Variants in KMT2A observed in about 807,000 individuals in gnomAD.
The protein encoded by KMT2A is histone-lysine N-methyltransferase 2A.
Under a neutral mutation model 345.3 loss-of-function variants are expected in KMT2A, and 16 were observed. The ratio of observed to expected loss-of-function variants is 0.05; its 90% CI spans 0.03 to 0.07. The LOEUF (loss-of-function observed/expected upper bound fraction) is 0.07. KMT2A is among the 10% of genes least tolerant of loss of function. The pLI is 1.00. For missense variants in KMT2A, 3,272 were observed against 4,841.6 expected, an observed-to-expected ratio of 0.68 and a Z score of 9.62; for synonymous variants, 1,599 against 1,778.6, an observed-to-expected ratio of 0.90 and a Z score of 2.54.
At position 118,494,034 on chromosome 11, in the gene KMT2A, G is replaced by A. The variant is rs969803523; in HGVS notation, c.5179-254G>A. ...ATTTTAATCCAAAATAAAAACTGTGGACCTGCTTGGATAATTTATCATGAT... is the reference window on the plus strand; with the variant it reads ...ATTTTAATCCAAAATAAAAACTGTGAACCTGCTTGGATAATTTATCATGAT... On this transcript the variant is annotated intron_variant, in intron 16 of 35. Transcript: ENST00000534358. The surrounding 1 kb of genome is among the most constrained non-coding windows in gnomAD (Gnocchi z 5.8). Among the ~76,000 whole-genome samples the A allele has an allele frequency of 1.8e-4, 28 of 152,236 alleles. No individual in the cohort carries two copies. Among genetic ancestry groups the A allele is most frequent in the Admixed American group, 1.2e-3 (18 of 15,294 alleles).
Position 118,481,855 on chromosome 11 carries a change from A to G in KMT2A, c.3775A>G (p.Ser1259Gly). The change falls in exon 7 of 36, where the codon AGT becomes GGT. Residue 1259 changes from serine (S) to glycine (G), a missense_variant. Ser to Gly is a moderately conservative substitution (Grantham distance 56). Around this residue, in one of 27 missense-constraint regions of KMT2A, gnomAD observed 168 missense variants for 216.0 expected, o/e 0.78. Transcript: ENST00000534358. ...REDPAPKKSSSEPPPRKPVEE... is the reference protein window; with the variant it reads ...REDPAPKKSSGEPPPRKPVEE... Reference sequence around the variant, plus strand: ...GGATCCTGCCCCAAAGAAAAGCAGTAGTGAGCCTCCTCCACGAAAGCCCGT... The same window carrying G: ...GGATCCTGCCCCAAAGAAAAGCAGTGGTGAGCCTCCTCCACGAAAGCCCGT... The G allele has an allele frequency of 6.2e-7, 1 of 1,614,228 alleles. No individual in the cohort carries two copies. The highest frequency in any genetic ancestry group is 8.5e-7 in the Non-Finnish European group (1 of 1,180,042).
At chr11:118,452,100 G>A (rs1555029142) in intron 1 of KMT2A, among the ~76,000 whole-genome samples, 1 of 152,064 alleles carries the variant, frequency 6.6e-6, no homozygotes, top group African/African-American at 2.4e-5. Context: ...GCTGTTCACA[G>A]GCATAATCAT....
At chr11:118,489,994 C>A in intron 12 of KMT2A, 107 bp downstream of exon 12, 2 of 1,413,496 alleles carry the variant, frequency 1.4e-6, no homozygotes, top group Non-Finnish European at 9.8e-7. Context: ...GTATGACAAT[C>A]TTTTTGCCTC....
In KMT2A at chr11:118,498,297, C is replaced by A. The variant is rs1950442622; in HGVS notation, c.5803-73C>A. ...GTAGGAACTGTAGAATGGGATGAGT[C>A]TATAGAGGAGACGGTAAACGTCTTA... is the stretch of plus-strand genomic sequence containing the variant. On this transcript the variant is annotated intron_variant, in intron 21 of 35. Transcript: ENST00000534358. This position sits in a 1 kb window ranked among gnomAD's most constrained non-coding sequence, Gnocchi z 4.4. 3 of 1,394,086 alleles carry A rather than the reference C, an allele frequency of 2.2e-6. No individual in the cohort carries two copies. The highest frequency in any genetic ancestry group is 4.6e-5 in the East Asian group (2 of 43,680). The allele number at this position is 1,394,086 out of a possible 1,614,324, so 86.4% of individuals were successfully genotyped here. A position where few individuals can be genotyped will look rare whatever the true frequency, so the allele number is the denominator to read the frequency against.
intron 23 of KMT2A, 63 bp from the exon 24 acceptor site, chr11:118,499,772 T>A: frequency 8.0e-7 from 1 of 1,251,270 alleles, no homozygotes; most frequent in Non-Finnish European, 1.2e-6. Flanking sequence ...AGAGTGAGAC[T>A]CTCTCAAAAA....
Position 118,490,360 on chromosome 11 carries a change from T to G in KMT2A, c.4696+111T>G. Reference sequence around the variant, plus strand: ...AAAGTCTCACACATTATGTCAAGGATACCATTTAGACACATTTCCTAAGTT... The same window carrying G: ...AAAGTCTCACACATTATGTCAAGGAGACCATTTAGACACATTTCCTAAGTT... On this transcript the variant is annotated intron_variant, in intron 13 of 35. Transcript: ENST00000534358. This position sits in a 1 kb window ranked among gnomAD's most constrained non-coding sequence, Gnocchi z 4.2. 1 of 1,164,752 alleles carries G rather than the reference T, an allele frequency of 8.6e-7. No individual in the cohort carries two copies. The highest frequency in any genetic ancestry group is 1.2e-6 in the Non-Finnish European group (1 of 858,136). 72.2% of individuals were successfully genotyped at this position (1,164,752 alleles called of 1,614,324 possible).
Position 118,472,156 on chromosome 11 carries a change from G to A in KMT2A, c.997G>A (p.Asp333Asn). The change falls in exon 3 of 36, where the codon GAC (aspartate) becomes AAC (asparagine). Residue 333 changes from aspartate to asparagine, a missense_variant. Around this residue, in one of 27 missense-constraint regions of KMT2A, gnomAD observed 412 missense variants for 511.0 expected, o/e 0.81. Coordinates refer to ENST00000534358, the MANE Select transcript of KMT2A (RefSeq NM_001197104.2). The part of the protein sequence containing the change: ...ELEKPQKVRK[D>N]KEGTPPLTKE... ...GGAAAAGCCCCAGAAAGTCCGGAAA[G>A]ACAAGGAAGGAACACCTCCACTTAC... 6.2e-7 allele frequency: 1 copy of A among 1,614,044 alleles called. No homozygotes were observed.
chr11:118,450,283 A>G (rs1555028470), intron 1 of KMT2A: 2 of 152,124 alleles, frequency 1.3e-5, no homozygotes, highest in Non-Finnish European at 2.9e-5. Flanking sequence ...TTACTATCTG[A>G]AGTAGTGCAT....
chr11:118,492,540 A>G (rs558593023), intron 15 of KMT2A, among the ~76,000 whole-genome samples: 1 of 152,326 alleles, frequency 6.6e-6, no homozygotes, highest in South Asian at 2.1e-4. Context: ...TTAGCCAGGC[A>G]TGGTAGCGGT....
At chr11:118,449,854 C>G (rs926173286) in intron 1 of KMT2A, 18 of 152,074 alleles carry the variant, frequency 1.2e-4, no homozygotes, top group African/African-American at 4.3e-4. Flanking sequence ...ATAAGAACAA[C>G]AAACGGAAGA....
At chr11:118,514,892 C>G (rs906468297) in intron 31 of KMT2A, among the ~76,000 whole-genome samples, 4 of 152,202 alleles carry the variant, frequency 2.6e-5, no homozygotes, top group Non-Finnish European at 5.9e-5. Flanking sequence ...CTCAGCCTCC[C>G]AAAGTGCTGG....
chr11:118,479,000 C>T (rs1479193950), intron 5 of KMT2A, among the ~76,000 whole-genome samples: 2 of 152,120 alleles, frequency 1.3e-5, no homozygotes, highest in African/African-American at 4.8e-5. Flanking sequence ...TTATGGTATA[C>T]ATAAGATGTT....
chr11:118,494,350 G>A lies in KMT2A; in HGVS notation c.5241G>A (p.Gln1747=), dbSNP rs2134349816. ...IQAAINSDGG[Q]PEIKKANSMV... ...CAGCCATTAATTCAGATGGAGGACA[G>A]CCAGAAATTAAAAAAGCCAACAGCA... Residue 1747 remains glutamine (Q), a synonymous_variant, in exon 17 of 36, where the codon CAG becomes CAA. Coordinates refer to ENST00000534358, the MANE Select transcript of KMT2A (RefSeq NM_001197104.2). This position sits in a 1 kb window ranked among gnomAD's most constrained non-coding sequence, Gnocchi z 5.8. 3 of 1,611,126 alleles carry A rather than the reference G, an allele frequency of 1.9e-6. No homozygotes were observed. Among genetic ancestry groups the A allele is most frequent in the Non-Finnish European group, 2.5e-6 (3 of 1,177,320 alleles).
At chr11:118,477,130 A>G in intron 4 of KMT2A, 148 bp downstream of exon 4, 1 of 782,444 alleles carries the variant, frequency 1.3e-6, no homozygotes, top group Admixed American at 2.7e-5. Context: ...GGATTTTATT[A>G]GAAGAAATGC....
In KMT2A at chr11:118,488,050, C is replaced by T. The variant is rs575919583; in HGVS notation, c.4333-564C>T. ...AAAAAATTAGCCAGGTGTGGTGGCA[C>T]GCGCCTGTGATCCCAGCTACTCAGG... On this transcript the variant is annotated intron_variant, in intron 10 of 35. Coordinates refer to ENST00000534358, the MANE Select transcript of KMT2A (RefSeq NM_001197104.2). 6.6e-5 allele frequency among the ~76,000 whole-genome samples: 10 copies of T among 152,128 alleles called. No individual in the cohort carries two copies. The South Asian group carries it at 8.3e-4, about 13-fold the overall frequency.
In KMT2A at chr11:118,495,164, A is replaced by G. The variant is rs76062856; in HGVS notation, c.5363+397A>G. ...TTGATTTGATTTTATTTATTTATTT[A>G]TTTTTTTTTTTTTGAGACGGAGTCT... On this transcript the variant is annotated intron_variant, in intron 18 of 35. Coordinates refer to ENST00000534358, the MANE Select transcript of KMT2A (RefSeq NM_001197104.2). The surrounding 1 kb of genome is among the most constrained non-coding windows in gnomAD (Gnocchi z 4.1). Among the ~76,000 whole-genome samples, 1 of 141,010 alleles carries G rather than the reference A, an allele frequency of 7.1e-6. No homozygotes were observed. Among genetic ancestry groups the G allele is most frequent in the Non-Finnish European group, 1.5e-5 (1 of 64,842 alleles). The allele number at this position is 141,010 out of a possible 152,430, so 92.5% of individuals were successfully genotyped here.
rs544991942 is a variant in KMT2A at position 118,507,437 on chromosome 11, C to T, written c.10755-92C>T. 416 of 1,088,364 alleles carry T rather than the reference C, an allele frequency of 3.8e-4. 1 individual carries two copies. In the African/African-American group the frequency reaches 5.9e-3, roughly 15 times the overall value. 67.4% of individuals were successfully genotyped at this position (1,088,364 alleles called of 1,614,324 possible). On this transcript the variant is annotated intron_variant, in intron 27 of 35. Coordinates refer to ENST00000534358, the MANE Select transcript of KMT2A (RefSeq NM_001197104.2). ...TGCTGGCTTATAGACTTTATCAGAT[C>T]CTGATAGAGCCATTTCTTTCGACTC...
In KMT2A at chr11:118,499,365, C is replaced by T. The variant is rs1453484802; in HGVS notation, c.6024C>T (p.Ser2008=). ...TGTTTGTGGACTTTGAAGGAATCAG[C>T]TTGAGAAGGAAGTTTCTCAATGGCT... is the stretch of plus-strand genomic sequence containing the variant. ...RRVFVDFEGI[S]LRRKFLNGLE... Residue 2008 remains serine (S), a synonymous_variant, in exon 23 of 36, where the codon AGC becomes AGT. Coordinates refer to ENST00000534358, the MANE Select transcript of KMT2A (RefSeq NM_001197104.2). 1.9e-6 allele frequency: 3 copies of T among 1,611,174 alleles called. No individual in the cohort carries two copies. Among genetic ancestry groups the T allele is most frequent in the African/African-American group, 2.8e-5 (2 of 72,666 alleles).
At chr11:118,518,291 A>C (rs1428586302) in intron 31 of KMT2A, among the ~76,000 whole-genome samples, 1 of 152,194 alleles carries the variant, frequency 6.6e-6, no homozygotes, top group Non-Finnish European at 1.5e-5. Flanking sequence ...ATAATTTTAA[A>C]ATGAAAGCCT....
Sources: gnomAD v4.1 joint callset for allele counts (sites outside exome capture counted in the v4.1 genomes callset) on GRCh38, gnomAD v4.1.1 for gene constraint, gnomAD v4.1.1 regional missense constraint, Gnocchi (gnomAD v3.1) non-coding constraint, MANE v1.5 for transcripts, NCBI Gene and HGNC (gene_info 2026-07-23, HGNC 2026-07-21) for gene names.